The following NRG3 variants were observed in gnomAD, a reference collection of about 807,000 sequenced individuals.
NRG3 encodes the protein neuregulin 3, also known as pro-neuregulin-3, membrane-bound isoform.
NRG3 carries 31 observed loss-of-function variants against 66.9 expected under a neutral mutation model. The observed-to-expected ratio is 0.46, with a 90% confidence interval of 0.35 to 0.63. The LOEUF is 0.63. Ranked by LOEUF, NRG3 falls within the 20% of genes least tolerant of loss-of-function variation. The pLI, the probability that NRG3 is intolerant of heterozygous loss-of-function variation, is 0.00. For missense variants in NRG3, 910 were observed against 878.9 expected (o/e 1.04, Z -0.45); for synonymous variants, 393 against 359.4 (o/e 1.09, Z -1.06).
At chr10:82,218,371 A>C (rs1326212143) in intron 1 of NRG3, among the ~76,000 whole-genome samples, 1 of 152,222 alleles carries the variant, frequency 6.6e-6, no homozygotes, top group Non-Finnish European at 1.5e-5. Context: ...ACTAAAGGTT[A>C]AAATGTGTTT....
At chr10:82,944,405 T>A (rs1848824953) in intron 4 of NRG3, among the ~76,000 whole-genome samples, 1 of 152,226 alleles carries the variant, frequency 6.6e-6, no homozygotes, top group Non-Finnish European at 1.5e-5. Flanking sequence ...ACGCAAGTCA[T>A]GCTTATTCCA....
At chr10:82,902,352 C>A (rs1052034668) in intron 4 of NRG3, among the ~76,000 whole-genome samples, 13 of 152,070 alleles carry the variant, frequency 8.5e-5, no homozygotes, top group African/African-American at 2.7e-4. Flanking sequence ...ATAGTTACAA[C>A]AATTTGCTTA....
intron 3 of NRG3, among the ~76,000 whole-genome samples, chr10:82,773,350 GC>G (rs2059785174): frequency 6.6e-6 from 1 of 152,072 alleles, no homozygotes; most frequent in Admixed American, 6.6e-5. Flanking sequence ...TGAAAATGAG[GC>G]CAAAATGAAA....
chr10:82,895,376 GAAGGCT>G (rs1049976748), intron 4 of NRG3, among the ~76,000 whole-genome samples: 1 of 151,850 alleles, frequency 6.6e-6, no homozygotes, highest in African/African-American at 2.4e-5. Flanking sequence ...TTGTTCCTGG[GAAGGCT>G]AATCATAGAG....
At chr10:82,395,693 C>T (rs1244214070) in intron 2 of NRG3, among the ~76,000 whole-genome samples, 2 of 152,060 alleles carry the variant, frequency 1.3e-5, no homozygotes, top group African/African-American at 4.8e-5. Context: ...CATCCATCCA[C>T]TCATCCACCC....
chr10:82,810,173 C>T (rs2061433419), intron 3 of NRG3, among the ~76,000 whole-genome samples: 1 of 152,112 alleles, frequency 6.6e-6, no homozygotes, highest in African/African-American at 2.4e-5. Context: ...TTAAAGATAT[C>T]AGCCCATCCT....
chr10:82,556,687 C>T (rs555849130), intron 2 of NRG3, among the ~76,000 whole-genome samples: 1 of 152,234 alleles, frequency 6.6e-6, no homozygotes, highest in Admixed American at 6.5e-5. Context: ...TGGTGTGTTA[C>T]ATAGGTAATC....
At chr10:82,770,817 G>T (rs1019851242) in intron 3 of NRG3, among the ~76,000 whole-genome samples, 1 of 152,042 alleles carries the variant, frequency 6.6e-6, no homozygotes, top group Non-Finnish European at 1.5e-5. Context: ...CTCTATTTTG[G>T]GTGTCTTGGA....
intron 1 of NRG3, among the ~76,000 whole-genome samples, chr10:82,266,411 G>A (rs755806030): frequency 6.6e-6 from 1 of 152,108 alleles, no homozygotes; most frequent in African/African-American, 2.4e-5. Context: ...AGAGTCCAGT[G>A]GGCCTACATT....
At chr10:82,836,058 GAAT>G (rs2062760134) in intron 3 of NRG3, among the ~76,000 whole-genome samples, 1 of 152,080 alleles carries the variant, frequency 6.6e-6, no homozygotes, top group Non-Finnish European at 1.5e-5. Flanking sequence ...TAAAAAATCA[GAAT>G]AATAATATTT....
chr10:82,803,128 A>G (rs991782815), intron 3 of NRG3, among the ~76,000 whole-genome samples: 20 of 151,922 alleles, frequency 1.3e-4, no homozygotes, highest in African/African-American at 4.8e-4. Context: ...TGCATTCAGA[A>G]CTCTGTGAGG....
rs529263859 is a variant in NRG3, at chr10:82,128,640, A to T, written c.824-230099A>T. Among the ~76,000 whole-genome samples the T allele has an allele frequency of 9.3e-4, 142 of 152,166 alleles. 1 individual carries two copies. Among genetic ancestry groups the T allele is most frequent in the African/African-American group, 3.1e-3 (129 of 41,550 alleles). ...GACATTTCTGATACCCATGATTTTG[A>T]TAACCTTTGAGTCATGGATTGTTGA... On this transcript the variant is annotated intron_variant, in intron 1 of 8. Transcript: ENST00000372141.
intron 1 of NRG3, among the ~76,000 whole-genome samples, chr10:82,138,571 G>C (rs1417341585): frequency 6.6e-6 from 1 of 152,176 alleles, no homozygotes; most frequent in Non-Finnish European, 1.5e-5. Flanking sequence ...ATGAAAGGGA[G>C]TTTATTAAGG....
intron 1 of NRG3, among the ~76,000 whole-genome samples, chr10:82,152,158 T>C (rs577150405): frequency 2.7e-4 from 41 of 152,244 alleles, no homozygotes; most frequent in Admixed American, 6.5e-4. Context: ...CAGACATATG[T>C]AAATGAGTGA....
intron 1 of NRG3, among the ~76,000 whole-genome samples, chr10:82,222,627 C>T (rs1467790152): frequency 6.6e-6 from 1 of 152,168 alleles, no homozygotes; most frequent in East Asian, 1.9e-4. Flanking sequence ...TCTCTTATAA[C>T]ATCTCTTGAA....
chr10:81,876,030 T>C lies in NRG3; in HGVS notation c.690T>C (p.Ala230=), dbSNP rs771240470. Residue 230 remains alanine (A), a synonymous_variant, in exon 1 of 9, where the codon GCT becomes GCC. Transcript: ENST00000372141. The part of the protein sequence containing the change: ...AMPSWPTAAY[A]TSSYLHDSTP... The stretch of plus-strand genomic sequence containing the variant: ...CCTCCTGGCCTACTGCGGCATACGC[T>C]ACCTCCTCCTACCTTCACGATTCTA... 42 of 1,613,856 alleles carry C rather than the reference T, an allele frequency of 2.6e-5. No individual in the cohort carries two copies. The highest frequency in any genetic ancestry group is 3.4e-5 in the Non-Finnish European group (40 of 1,180,032).
At chr10:81,983,781 A>C (rs989164076) in intron 1 of NRG3, among the ~76,000 whole-genome samples, 1 of 152,152 alleles carries the variant, frequency 6.6e-6, no homozygotes, top group African/African-American at 2.4e-5. Context: ...GTTTTACTCA[A>C]TCTCAGTTTA....
At chr10:82,910,797 T>C (rs769256389) in intron 4 of NRG3, among the ~76,000 whole-genome samples, 19 of 152,218 alleles carry the variant, frequency 1.2e-4, no homozygotes, top group Non-Finnish European at 2.5e-4. Context: ...AGCAGAATGC[T>C]AACAGCAGTG....
chr10:82,446,084 T>G (rs1250528672), intron 2 of NRG3, among the ~76,000 whole-genome samples: 4 of 152,188 alleles, frequency 2.6e-5, no homozygotes, highest in Non-Finnish European at 5.9e-5. Flanking sequence ...TACCTCCTAC[T>G]TATTTGTTCA....
Sources: gnomAD v4.1 joint callset for allele counts (sites outside exome capture counted in the v4.1 genomes callset) on GRCh38, gnomAD v4.1.1 for gene constraint, MANE v1.5 for transcripts, NCBI Gene and HGNC (gene_info 2026-07-23, HGNC 2026-07-21) for gene names.